Variants in SH3RF2 observed in about 807,000 individuals in gnomAD.
SH3RF2 encodes the protein E3 ubiquitin-protein ligase SH3RF2.
Under a neutral mutation model 59.0 loss-of-function variants are expected in SH3RF2, and 43 were observed. That is an observed-to-expected ratio of 0.73 (90% CI 0.57 to 0.94). The LOEUF (loss-of-function observed/expected upper bound fraction) is 0.94. Ranked by LOEUF, SH3RF2 falls within the 40% of genes least tolerant of loss-of-function variation. The pLI, the probability that SH3RF2 is intolerant of heterozygous loss-of-function variation, is 0.00. For synonymous variants in SH3RF2, 391 were observed against 391.5 expected (o/e 1.00, Z 0.01); for missense variants, 930 against 940.1 (o/e 0.99, Z 0.14).
intron 5 of SH3RF2, among the ~76,000 whole-genome samples, chr5:146,027,700 T>A (rs1761578644): frequency 6.6e-6 from 1 of 152,204 alleles, no homozygotes; most frequent in Admixed American, 6.5e-5. Context: ...AGAAGTGATC[T>A]TCAGGTGAAA....
chr5:145,991,322 G>A (rs1262729382), intron 2 of SH3RF2, among the ~76,000 whole-genome samples: 1 of 152,130 alleles, frequency 6.6e-6, no homozygotes, highest in Non-Finnish European at 1.5e-5. Flanking sequence ...GGTTTTGAGA[G>A]CATATGAATG....
In SH3RF2 at chr5:145,964,303, C is replaced by CCTTCCTTT. The variant is rs1554110966; in HGVS notation, c.378+26000_378+26001insCCTTTCTT. ...TCCTTCCTTCCTTCCTTCCTTCCTT[C>CCTTCCTTT]CTTTCTTTCTTTTTTTTTTTTTTGA... is the stretch of plus-strand genomic sequence containing the variant. On this transcript the variant is annotated intron_variant, in intron 2 of 9. Coordinates refer to ENST00000359120, the MANE Select transcript of SH3RF2 (RefSeq NM_152550.4). 1.3e-3 allele frequency among the ~76,000 whole-genome samples: 152 copies of CCTTCCTTT among 120,590 alleles called. No homozygotes were observed. In the East Asian group the frequency reaches 0.019, roughly 15 times the overall value. The allele number at this position is 120,590 out of a possible 152,430, so 79.1% of individuals were successfully genotyped here.
chr5:145,964,159 T>G (rs1580781362), intron 2 of SH3RF2, among the ~76,000 whole-genome samples: 2 of 151,016 alleles, frequency 1.3e-5, no homozygotes, highest in South Asian at 4.2e-4. Context: ...CCTTCCTTCT[T>G]TTCTTTTTTT....
rs749623952 is a variant in SH3RF2, at chr5:146,049,179, GGGGCGTCTCCTT to G, written c.1259_1270del (p.Gly420_Leu423del). 1.2e-6 allele frequency: 2 copies of G among 1,614,122 alleles called. No individual in the cohort carries two copies. The highest frequency in any genetic ancestry group is 4.5e-5 in the East Asian group (2 of 44,854). ...GGGAAGTGCCAGGACGGCTGGCTCA[GGGGCGTCTCCTT>G]GGTCACCGGGCGAGTCGGCATCTTC... is the stretch of plus-strand genomic sequence containing the variant. On this transcript the variant is annotated inframe_deletion, in exon 7 of 10. Transcript: ENST00000359120.
chr5:146,060,035 C>T lies in SH3RF2; in HGVS notation c.1725C>T (p.Ala575=). 1 of 1,612,420 alleles carries T rather than the reference C, an allele frequency of 6.2e-7. No individual in the cohort carries two copies. The change falls in exon 9 of 10, where the codon GCC becomes GCT. Residue 575 remains alanine, a synonymous_variant. Transcript: ENST00000359120. Reference sequence around the variant, plus strand: ...TGGTGGAGATGGGGTCCAAGCCTGCCCTCACGGGGGAGCCCGCCCTCACGT... The same window carrying T: ...TGGTGGAGATGGGGTCCAAGCCTGCTCTCACGGGGGAGCCCGCCCTCACGT... ...AVVVEMGSKP[A]LTGEPALTCI... is the part of the protein sequence containing the mutation.
At chr5:146,042,872 C>T (rs1054877860) in intron 5 of SH3RF2, among the ~76,000 whole-genome samples, 5 of 152,218 alleles carry the variant, frequency 3.3e-5, no homozygotes, top group African/African-American at 9.6e-5. Flanking sequence ...CACACCCGCA[C>T]ACCCTTACTT....
chr5:145,967,767 C>T (rs1250063560), intron 2 of SH3RF2, among the ~76,000 whole-genome samples: 1 of 152,246 alleles, frequency 6.6e-6, no homozygotes, highest in East Asian at 1.9e-4. Context: ...TCAAGTAATC[C>T]TCTTGCCTCA....
In SH3RF2 at chr5:146,056,851, T is replaced by G. The variant is rs142392202; in HGVS notation, c.1555+638T>G. 1.4e-3 allele frequency among the ~76,000 whole-genome samples: 217 copies of G among 152,336 alleles called. 1 individual carries two copies. The highest frequency in any genetic ancestry group is 4.9e-3 in the African/African-American group (202 of 41,580). On this transcript the variant is annotated intron_variant, in intron 8 of 9. Coordinates refer to ENST00000359120, the MANE Select transcript of SH3RF2 (RefSeq NM_152550.4). Reference sequence around the variant, plus strand: ...CTGCATTGTTCTACACCTTGCTTTATTTTTACCATCATAACATCCACATTG... The same window carrying G: ...CTGCATTGTTCTACACCTTGCTTTAGTTTTACCATCATAACATCCACATTG...
chr5:145,979,276 T>C (rs1199063215), intron 2 of SH3RF2, among the ~76,000 whole-genome samples: 7 of 152,204 alleles, frequency 4.6e-5, no homozygotes, highest in South Asian at 4.1e-4. Context: ...CAGCAATTTA[T>C]TGCAACAAGC....
chr5:145,987,854 A>G (rs1265710948), intron 2 of SH3RF2, among the ~76,000 whole-genome samples: 2 of 152,158 alleles, frequency 1.3e-5, no homozygotes, highest in Non-Finnish European at 2.9e-5. Context: ...TTGAGCACTT[A>G]TTATTTTCCA....
intron 2 of SH3RF2, among the ~76,000 whole-genome samples, chr5:145,966,493 T>C (rs1296032352): frequency 1.3e-5 from 2 of 152,216 alleles, no homozygotes; most frequent in Non-Finnish European, 2.9e-5. Context: ...TTTTTATTAT[T>C]TTCAGGCCAA....
At chr5:146,052,404 T>C (rs895708735) in intron 7 of SH3RF2, among the ~76,000 whole-genome samples, 3 of 152,166 alleles carry the variant, frequency 2.0e-5, no homozygotes, top group African/African-American at 7.2e-5. Flanking sequence ...CTGAGATGCC[T>C]ACATGTCAGG....
In SH3RF2 at chr5:146,056,221, G is replaced by T; in HGVS notation, c.1555+8G>T. On this transcript the variant is annotated splice_region_variant and intron_variant, in intron 8 of 9. Coordinates refer to ENST00000359120, the MANE Select transcript of SH3RF2 (RefSeq NM_152550.4). ...GGAGCAGCATGAGAAAGAGTAAGTGGTGGCAGAGAGGTACGTGCCTAGAGC... is the reference window on the plus strand; with the variant it reads ...GGAGCAGCATGAGAAAGAGTAAGTGTTGGCAGAGAGGTACGTGCCTAGAGC... 1 of 1,614,192 alleles carries T rather than the reference G, an allele frequency of 6.2e-7. No individual in the cohort carries two copies. The highest frequency in any genetic ancestry group is 8.5e-7 in the Non-Finnish European group (1 of 1,180,046).
At chr5:146,070,405 T>G (rs763899162) in intron 9 of SH3RF2, among the ~76,000 whole-genome samples, 1 of 152,126 alleles carries the variant, frequency 6.6e-6, no homozygotes, top group African/African-American at 2.4e-5. Context: ...GGGTGAGAAG[T>G]AAGATAACTG....
Position 145,938,206 on chromosome 5 carries a change from C to T in SH3RF2, c.278C>T (p.Thr93Met), listed in dbSNP as rs760499672. ...GGGGGCTCCTTCCGCAGGCCTGGCA[C>T]GATGACCTTGCAGGATGGCAGGAAA... ...GRGGSFRRPG[T>M]MTLQDGRKSR... is the part of the protein sequence containing the mutation. The change falls in exon 2 of 10, where the codon ACG (threonine) becomes ATG (methionine). Residue 93 changes from threonine to methionine, a missense_variant. Physicochemically the swap from Thr to Met is moderately conservative, Grantham distance 81. Coordinates refer to ENST00000359120, the MANE Select transcript of SH3RF2 (RefSeq NM_152550.4). 1 of 1,613,452 alleles carries T rather than the reference C, an allele frequency of 6.2e-7. No individual in the cohort carries two copies. The highest frequency in any genetic ancestry group is 1.7e-5 in the Admixed American group (1 of 60,024).
chr5:145,949,371 G>T (rs1348686372), intron 2 of SH3RF2, among the ~76,000 whole-genome samples: 2 of 152,176 alleles, frequency 1.3e-5, no homozygotes, highest in East Asian at 3.8e-4. Context: ...AGAATCACAG[G>T]GCACAGAGCA....
At chr5:146,076,893 C>T (rs895961159) in intron 9 of SH3RF2, among the ~76,000 whole-genome samples, 5 of 152,078 alleles carry the variant, frequency 3.3e-5, no homozygotes, top group African/African-American at 1.2e-4. Context: ...TCTGACTGTT[C>T]CACACCACCC....
intron 8 of SH3RF2, among the ~76,000 whole-genome samples, chr5:146,059,307 G>C (rs1416634271): frequency 6.8e-6 from 1 of 147,592 alleles, no homozygotes; most frequent in African/African-American, 2.6e-5. Flanking sequence ...TGCAGCCCCC[G>C]ACAAAAAGCA....
chr5:146,031,676 T>C (rs1180622448), intron 5 of SH3RF2, among the ~76,000 whole-genome samples: 4 of 152,230 alleles, frequency 2.6e-5, no homozygotes, highest in Non-Finnish European at 1.5e-5. Context: ...TGCTTGCTCT[T>C]GTCCTGCCAG....
Sources: allele counts gnomAD v4.1 joint callset (sites outside exome capture counted in the v4.1 genomes callset), GRCh38; gene constraint gnomAD v4.1.1; transcripts MANE v1.5; gene names NCBI Gene and HGNC (gene_info 2026-07-23, HGNC 2026-07-21).